SNX8: variants seen among roughly 807,000 people sequenced by gnomAD.
The protein encoded by SNX8 is sorting nexin 8, also known as sorting nexin-8.
SNX8 carries 25 observed loss-of-function variants against 51.6 expected under a neutral mutation model. The observed-to-expected ratio is 0.48, with a 90% CI of 0.35 to 0.68. SNX8 has a LOEUF of 0.68. Among genes scored for constraint, SNX8 ranks in the 30% least tolerant of loss-of-function variants. The pLI, the probability that SNX8 is intolerant of heterozygous loss-of-function variation, is 0.00. For missense variants in SNX8, 695 were observed against 624.0 expected, an observed-to-expected ratio of 1.11 and a Z score of -1.21; for synonymous variants, 324 against 277.0, an observed-to-expected ratio of 1.17 and a Z score of -1.68.
intron 5 of SNX8, among the ~76,000 whole-genome samples, chr7:2,266,102 G>GC (rs1795456781): frequency 2.6e-5 from 4 of 152,200 alleles, no homozygotes; most frequent in Admixed American, 2.6e-4. Context: ...AGAGGACAGA[G>GC]CAAGACCTTG....
At chr7:2,267,005 G>A (rs1423511463) in intron 5 of SNX8, among the ~76,000 whole-genome samples, 2 of 152,246 alleles carry the variant, frequency 1.3e-5, no homozygotes, top group African/African-American at 4.8e-5. Flanking sequence ...AAAGGGCAGA[G>A]GGCACGAGGT....
chr7:2,257,047 C>A (rs765455538), intron 9 of SNX8, 24 bp from the exon 10 acceptor site: 14 of 1,581,812 alleles, frequency 8.9e-6, no homozygotes, highest in African/African-American at 1.3e-5. Context: ...AGCCGCCTTT[C>A]GCACCCGGCC....
At chr7:2,260,658 G>A (rs370594938) in intron 7 of SNX8, among the ~76,000 whole-genome samples, 45 of 152,218 alleles carry the variant, frequency 3.0e-4, no homozygotes, top group African/African-American at 8.2e-4. Context: ...AACGGTCCTC[G>A]CTGCCCCCGA....
intron 1 of SNX8, among the ~76,000 whole-genome samples, chr7:2,331,709 T>TAAAA: frequency 6.8e-6 from 1 of 146,558 alleles, no homozygotes; most frequent in Non-Finnish European, 1.5e-5. Context: ...CGTCTCAAAA[T>TAAAA]AAATAAATAA....
In SNX8 at chr7:2,278,305, T is replaced by A; in HGVS notation, c.95A>T (p.Asp32Val). 6.5e-7 allele frequency: 1 copy of A among 1,535,496 alleles called. No homozygotes were observed. Among genetic ancestry groups the A allele is most frequent in the African/African-American group, 1.4e-5 (1 of 73,292 alleles). The change falls in exon 2 of 11, where the codon GAT (aspartate) becomes GTT (valine). Residue 32 changes from aspartate to valine, a missense_variant and splice_region_variant. Asp to Val is a radical substitution (Grantham distance 152). Transcript: ENST00000222990. ...CTCGATGGCCTGGGGTGTCGGCAGATCTGCAGGGGAGATGGTGAATGACCA... is the reference window on the plus strand; with the variant it reads ...CTCGATGGCCTGGGGTGTCGGCAGAACTGCAGGGGAGATGGTGAATGACCA... ...ADEEADPPAS[D>V]LPTPQAIEPQ...
chr7:2,263,119 A>G (rs1452835172), intron 7 of SNX8, 111 bp downstream of exon 7: 2 of 1,352,530 alleles, frequency 1.5e-6, no homozygotes, highest in Non-Finnish European at 2.0e-6. Flanking sequence ...CTCCTTCTCA[A>G]AACAACAAAA....
chr7:2,323,301 GC>G (rs1168722176), intron 1 of SNX8, among the ~76,000 whole-genome samples: 1 of 130,302 alleles, frequency 7.7e-6, no homozygotes, highest in African/African-American at 2.9e-5. Context: ...CTGCCCTCCA[GC>G]CAGGGCGACA....
At chr7:2,265,008 T>C (rs10950627) in intron 5 of SNX8, among the ~76,000 whole-genome samples, 139,307 of 152,240 alleles carry the variant, frequency 0.92, 64,014 homozygotes, top group Non-Finnish European at 0.96. Flanking sequence ...ACACTCCAGT[T>C]TGGGCGACAG....
intron 8 of SNX8, 59 bp downstream of exon 8, chr7:2,257,676 A>G (rs1795224455): frequency 9.4e-6 from 15 of 1,591,366 alleles, no homozygotes; most frequent in Non-Finnish European, 1.2e-5. Flanking sequence ...AGACCCTTGA[A>G]GGATCCTAAG....
rs142672906 is a variant in SNX8, at chr7:2,252,848, TCTC to T, written c.*2205_*2207del. 1.3e-3 allele frequency: 111 copies of T among 86,250 alleles called. 4 individuals are homozygous for T. In the East Asian group the frequency reaches 0.037, roughly 28 times the overall value. 5.3% of individuals were successfully genotyped at this position (86,250 alleles called of 1,614,324 possible). ...TTCCCCATCACCCCTACTCTCCTGC[TCTC>T]CTCACCCCTGCTCTCCTGCTCTCTC... On this transcript the variant is annotated 3_prime_UTR_variant, in exon 11 of 11. Transcript: ENST00000222990.
At chr7:2,334,993 C>G (rs1778800584) in intron 1 of SNX8, among the ~76,000 whole-genome samples, 2 of 151,060 alleles carry the variant, frequency 1.3e-5, no homozygotes. Flanking sequence ...GTCAGGAGTT[C>G]GAGGCCAGCC....
intron 1 of SNX8, among the ~76,000 whole-genome samples, chr7:2,284,218 C>G (rs1163809100): frequency 2.0e-5 from 3 of 152,026 alleles, no homozygotes; most frequent in Admixed American, 2.0e-4. Context: ...GCGTGAGCCA[C>G]CACACCCAGC....
intron 1 of SNX8, among the ~76,000 whole-genome samples, chr7:2,353,571 C>G (rs1779215497): frequency 6.6e-6 from 1 of 151,844 alleles, no homozygotes; most frequent in South Asian, 2.1e-4. Flanking sequence ...TGTGAGCCAC[C>G]GCGCAGGGCC....
At chr7:2,300,995 A>G (rs1348436730) in intron 1 of SNX8, among the ~76,000 whole-genome samples, 1 of 152,144 alleles carries the variant, frequency 6.6e-6, no homozygotes, top group Non-Finnish European at 1.5e-5. Flanking sequence ...CCATTCTCCC[A>G]CAAAATGACT....
chr7:2,252,112 A>C lies in SNX8; in HGVS notation c.*2944T>G, dbSNP rs1346902543. On this transcript the variant is annotated 3_prime_UTR_variant, in exon 11 of 11. Transcript: ENST00000222990. The stretch of plus-strand genomic sequence containing the variant: ...AATGTCCCCTTTCACCATGATCGGC[A>C]GCCCCCTTCCCACAGCCCCGCCAGC... 6.6e-6 allele frequency: 1 copy of C among 152,244 alleles called. No individual in the cohort carries two copies. The highest frequency in any genetic ancestry group is 1.5e-5 in the Non-Finnish European group (1 of 68,082). 9.4% of individuals were successfully genotyped at this position (152,244 alleles called of 1,614,324 possible).
At chr7:2,257,245 C>T (rs1795209284) in intron 9 of SNX8, 120 bp downstream of exon 9, 1 of 1,287,160 alleles carries the variant, frequency 7.8e-7, no homozygotes, top group African/African-American at 1.5e-5. Flanking sequence ...CACTGCACCC[C>T]CAGCTCTGTT....
At chr7:2,265,506 G>C (rs766828326) in intron 5 of SNX8, among the ~76,000 whole-genome samples, 1 of 151,504 alleles carries the variant, frequency 6.6e-6, no homozygotes, top group African/African-American at 2.4e-5. Context: ...TTAGCCAGGC[G>C]TGGTGGAGCG....
intron 1 of SNX8, among the ~76,000 whole-genome samples, chr7:2,311,107 T>C (rs537139169): frequency 6.6e-6 from 1 of 152,328 alleles, no homozygotes; most frequent in South Asian, 2.1e-4. Context: ...AGCTTAAGCT[T>C]CAAAGAATTC....
intron 1 of SNX8, among the ~76,000 whole-genome samples, chr7:2,311,168 C>T (rs1796650569): frequency 6.6e-6 from 1 of 152,148 alleles, no homozygotes; most frequent in Non-Finnish European, 1.5e-5. Context: ...ACATTTTTTT[C>T]TGGCAACACC....
Sources: gnomAD v4.1 joint callset for allele counts (sites outside exome capture counted in the v4.1 genomes callset) on GRCh38, gnomAD v4.1.1 for gene constraint, MANE v1.5 for transcripts, NCBI Gene and HGNC (gene_info 2026-07-23, HGNC 2026-07-21) for gene names.